HERPUD2: variants seen among roughly 807,000 people sequenced by gnomAD.
HERPUD2 encodes homocysteine-responsive endoplasmic reticulum-resident ubiquitin-like domain member 2 protein.
HERPUD2 carries 13 observed loss-of-function variants against 49.9 expected under a neutral mutation model. The ratio of observed to expected loss-of-function variants is 0.26; its 90% confidence interval spans 0.17 to 0.41. The LOEUF (loss-of-function observed/expected upper bound fraction) is 0.41, where lower values mean the gene tolerates loss of function less well. Ranked by LOEUF, HERPUD2 falls within the 10% of genes least tolerant of loss-of-function variation. HERPUD2 has a pLI of 1.00. For synonymous variants in HERPUD2, 172 were observed against 171.4 expected (o/e 1.00, Z -0.03); for missense variants, 449 against 492.2 (o/e 0.91, Z 0.83).
chr7:35,632,916 CA>C lies in HERPUD2; in HGVS notation c.*773del, dbSNP rs1320517349. 1 of 152,406 alleles carries C rather than the reference CA, an allele frequency of 6.6e-6. No homozygotes were observed. The highest frequency in any genetic ancestry group is 6.6e-5 in the Admixed American group (1 of 15,250). 9.4% of individuals were successfully genotyped at this position (152,406 alleles called of 1,614,324 possible). A position where few individuals can be genotyped will look rare whatever the true frequency, so the allele number is the denominator to read the frequency against. On this transcript the variant is annotated 3_prime_UTR_variant, in exon 9 of 9. Transcript: ENST00000311350. ...TTATGGCTGGGCAAGATGCTACTAG[CA>C]CATTTTAGGTAAATAATATTCTTTA...
intron 1 of HERPUD2, 87 bp from the exon 2 acceptor site, chr7:35,694,714 C>T: frequency 4.4e-6 from 1 of 226,316 alleles, no homozygotes; most frequent in South Asian, 6.7e-5. Flanking sequence ...CAAGCTGGAA[C>T]GCAACAAGGC....
intron 2 of HERPUD2, among the ~76,000 whole-genome samples, chr7:35,686,054 T>C (rs1024323695): frequency 6.6e-6 from 1 of 152,176 alleles, no homozygotes; most frequent in Non-Finnish European, 1.5e-5. Flanking sequence ...AACTGAATTT[T>C]CAACTAGTTA....
intron 5 of HERPUD2, among the ~76,000 whole-genome samples, chr7:35,644,768 AC>A (rs1562669795): frequency 1.3e-5 from 2 of 152,186 alleles, no homozygotes; most frequent in Non-Finnish European, 2.9e-5. Flanking sequence ...CTCTGTCTCA[AC>A]AAAAAAAGAA....
At chr7:35,662,436 T>C (rs1048447600) in intron 5 of HERPUD2, among the ~76,000 whole-genome samples, 2 of 152,236 alleles carry the variant, frequency 1.3e-5, no homozygotes, top group Non-Finnish European at 2.9e-5. Flanking sequence ...TTGGAATAGT[T>C]TCAGAAGGAA....
At chr7:35,669,249 C>T (rs1241679674) in intron 4 of HERPUD2, among the ~76,000 whole-genome samples, 2 of 152,140 alleles carry the variant, frequency 1.3e-5, no homozygotes, top group African/African-American at 4.8e-5. Context: ...TTAATGTAAG[C>T]TAAATTCCCA....
At chr7:35,662,740 G>T (rs1036192383) in intron 5 of HERPUD2, among the ~76,000 whole-genome samples, 27 of 151,988 alleles carry the variant, frequency 1.8e-4, no homozygotes, top group African/African-American at 6.5e-4. Context: ...TTTTTATTGT[G>T]TCTATTTGAT....
intron 2 of HERPUD2, among the ~76,000 whole-genome samples, chr7:35,681,775 T>C (rs756671855): frequency 9.2e-5 from 14 of 151,800 alleles, no homozygotes; most frequent in Non-Finnish European, 1.3e-4. Context: ...GTCTAGACTA[T>C]GCAAATCCAT....
intron 5 of HERPUD2, among the ~76,000 whole-genome samples, chr7:35,654,692 T>C (rs1248032800): frequency 1.5e-5 from 2 of 134,976 alleles, no homozygotes; most frequent in South Asian, 2.4e-4. Context: ...TTTTTTTTTT[T>C]AAAGACAGAA....
intron 2 of HERPUD2, among the ~76,000 whole-genome samples, chr7:35,676,877 T>C (rs895281989): frequency 7.2e-5 from 11 of 152,214 alleles, no homozygotes; most frequent in Admixed American, 5.9e-4. Context: ...CTAACAATAT[T>C]GAACAAAGTT....
intron 8 of HERPUD2, 135 bp downstream of exon 8, chr7:35,634,177 T>C (rs1784832682): frequency 4.7e-6 from 3 of 639,330 alleles, no homozygotes; most frequent in Admixed American, 5.4e-5. Flanking sequence ...ACCACCACAA[T>C]TTATATGTTA....
At chr7:35,635,007 A>G in intron 7 of HERPUD2, 128 bp downstream of exon 7, 1 of 659,106 alleles carries the variant, frequency 1.5e-6, no homozygotes, top group Non-Finnish European at 2.5e-6. Context: ...CATCAAAAAC[A>G]TGCCAGATAT....
chr7:35,642,698 C>T (rs565459393), intron 5 of HERPUD2, among the ~76,000 whole-genome samples: 3 of 152,276 alleles, frequency 2.0e-5, no homozygotes, highest in African/African-American at 4.8e-5. Context: ...AGGAAACTAA[C>T]GCACGAACAG....
chr7:35,646,327 T>C (rs1054346798), intron 5 of HERPUD2, among the ~76,000 whole-genome samples: 2 of 152,106 alleles, frequency 1.3e-5, no homozygotes, highest in African/African-American at 4.8e-5. Context: ...CTTGGGAGGC[T>C]GAGATGGTAG....
intron 2 of HERPUD2, among the ~76,000 whole-genome samples, chr7:35,684,634 G>A (rs1785991442): frequency 6.6e-6 from 1 of 152,092 alleles, no homozygotes; most frequent in Non-Finnish European, 1.5e-5. Context: ...TCTAAGTGAA[G>A]TACTCAGAAA....
intron 6 of HERPUD2, among the ~76,000 whole-genome samples, chr7:35,637,591 G>A (rs1418824268): frequency 1.3e-5 from 2 of 152,168 alleles, no homozygotes; most frequent in African/African-American, 4.8e-5. Context: ...CACAGGAGAT[G>A]AAGAACCAGG....
At chr7:35,646,686 G>C (rs1041636266) in intron 5 of HERPUD2, among the ~76,000 whole-genome samples, 8 of 152,152 alleles carry the variant, frequency 5.3e-5, no homozygotes, top group African/African-American at 1.9e-4. Flanking sequence ...TAACTATTTG[G>C]AATGTGTAAT....
At chr7:35,678,136 T>C (rs1785805617) in intron 2 of HERPUD2, among the ~76,000 whole-genome samples, 2 of 152,128 alleles carry the variant, frequency 1.3e-5, no homozygotes, top group Admixed American at 6.5e-5. Context: ...AAAAGTTGAA[T>C]GACTAACAGC....
At chr7:35,685,993 TTAAA>T (rs1320243483) in intron 2 of HERPUD2, among the ~76,000 whole-genome samples, 1 of 151,578 alleles carries the variant, frequency 6.6e-6, no homozygotes. Flanking sequence ...AATAAATAAC[TTAAA>T]TATCAGGAAA....
At chr7:35,654,270 GGCTT>G (rs1225718746) in intron 5 of HERPUD2, among the ~76,000 whole-genome samples, 1 of 151,202 alleles carries the variant, frequency 6.6e-6, no homozygotes, top group Non-Finnish European at 1.5e-5. Context: ...ATAAAAACTT[GGCTT>G]TTTGAAAAGA....
Sources: allele counts gnomAD v4.1 joint callset (sites outside exome capture counted in the v4.1 genomes callset), GRCh38; gene constraint gnomAD v4.1.1; transcripts MANE v1.5; gene names NCBI Gene and HGNC (gene_info 2026-07-23, HGNC 2026-07-21).